PCDHGA6: variants seen among roughly 807,000 people sequenced by gnomAD.
The protein encoded by PCDHGA6 is protocadherin gamma subfamily A, 6, also known as protocadherin gamma-A6.
PCDHGA6 carries 41 observed loss-of-function variants against 60.6 expected under a neutral mutation model. That is an observed-to-expected ratio of 0.68 (90% confidence interval 0.53 to 0.88). PCDHGA6 has a LOEUF of 0.88. Ranked by LOEUF, PCDHGA6 falls within the 40% of genes least tolerant of loss-of-function variation. The pLI is 0.00. For synonymous variants in PCDHGA6, 594 were observed against 524.4 expected (o/e 1.13, Z -1.81); for missense variants, 1,312 against 1,203.0 (o/e 1.09, Z -1.34).
chr5:141,404,225 A>G, intron 1 of PCDHGA6: 6 of 1,613,828 alleles, frequency 3.7e-6, no homozygotes, highest in Non-Finnish European at 5.1e-6. Context: ...GGTGACTGCA[A>G]CAGACAGAGG....
chr5:141,496,513 G>A (rs1364297990), intron 2 of PCDHGA6, among the ~76,000 whole-genome samples: 1 of 152,140 alleles, frequency 6.6e-6, no homozygotes, highest in Non-Finnish European at 1.5e-5. Context: ...CAAGGACCCA[G>A]GAGCCCTTGG....
chr5:141,379,313 AG>A (rs1433876569), intron 1 of PCDHGA6: 2 of 152,264 alleles, frequency 1.3e-5, no homozygotes, highest in Non-Finnish European at 2.9e-5. Context: ...CCTAAACAAG[AG>A]ATCTAATCAT....
chr5:141,392,273 G>A (rs1037062086), intron 1 of PCDHGA6: 3 of 152,178 alleles, frequency 2.0e-5, no homozygotes, highest in Admixed American at 2.0e-4. Flanking sequence ...TTACAATAAA[G>A]CTTAGAGCAC....
chr5:141,510,032 T>C (rs1410346284), intron 3 of PCDHGA6, among the ~76,000 whole-genome samples: 3 of 152,150 alleles, frequency 2.0e-5, no homozygotes, highest in Non-Finnish European at 4.4e-5. Flanking sequence ...GCTGGGCTGT[T>C]ATGTAGAGGT....
At chr5:141,463,728 G>C (rs957615020) in intron 1 of PCDHGA6, among the ~76,000 whole-genome samples, 3 of 152,066 alleles carry the variant, frequency 2.0e-5, no homozygotes, top group African/African-American at 7.2e-5. Context: ...TTACAGGCAT[G>C]AGCCACCGCG....
At chr5:141,383,386 G>A in intron 1 of PCDHGA6, 1 of 1,614,000 alleles carries the variant, frequency 6.2e-7, no homozygotes. Context: ...TCCAGATGTG[G>A]GCACGAACTC....
rs1488506612 is a variant in PCDHGA6 at position 141,395,336 on chromosome 5, T to G, written c.2424+18829T>G. ...TTGTGAAGATAGTTGAAAATAATTTTTAAGGTGTATCACAGAGTTTTGGGT... is the reference window on the plus strand; with the variant it reads ...TTGTGAAGATAGTTGAAAATAATTTGTAAGGTGTATCACAGAGTTTTGGGT... On this transcript the variant is annotated intron_variant, in intron 1 of 3. Coordinates refer to ENST00000517434, the MANE Select transcript of PCDHGA6 (RefSeq NM_018919.3). 5 of 1,435,024 alleles carry G rather than the reference T, an allele frequency of 3.5e-6. No homozygotes were observed. In the African/African-American group the frequency reaches 4.3e-5, roughly 12 times the overall value. The allele number at this position is 1,435,024 out of a possible 1,614,324, so 88.9% of individuals were successfully genotyped here. A position where few individuals can be genotyped will look rare whatever the true frequency, so the allele number is the denominator to read the frequency against.
chr5:141,384,443 A>G, intron 1 of PCDHGA6: 1 of 1,614,030 alleles, frequency 6.2e-7, no homozygotes, highest in Non-Finnish European at 8.5e-7. Flanking sequence ...GGAGTCCTGT[A>G]CGCGCTGCAA....
chr5:141,421,174 C>T (rs2096550677), intron 1 of PCDHGA6: 2 of 1,378,742 alleles, frequency 1.5e-6, no homozygotes, highest in Non-Finnish European at 1.9e-6. Flanking sequence ...ATACATAAGC[C>T]GATTCACAAC....
At chr5:141,409,219 T>A in intron 1 of PCDHGA6, 1 of 1,614,022 alleles carries the variant, frequency 6.2e-7, no homozygotes, top group Non-Finnish European at 8.5e-7. Context: ...AAATCCTTGA[T>A]GAAAACGACA....
chr5:141,398,189 T>G (rs926901002), intron 1 of PCDHGA6: 3 of 1,482,238 alleles, frequency 2.0e-6, no homozygotes, highest in Middle Eastern at 2.3e-4. Context: ...TTTCTCTTCC[T>G]GCTGTCTTTG....
chr5:141,481,427 T>C lies in PCDHGA6; in HGVS notation c.2425-13380T>C, dbSNP rs79272909. Reference sequence around the variant, plus strand: ...TTGTATAATTAGATTGTGATGATGATTGTATCAGTTTAGTACATGTAAATA... The same window carrying C: ...TTGTATAATTAGATTGTGATGATGACTGTATCAGTTTAGTACATGTAAATA... On this transcript the variant is annotated intron_variant, in intron 1 of 3. Transcript: ENST00000517434. Among the ~76,000 whole-genome samples the C allele has an allele frequency of 6.0e-3, 907 of 152,334 alleles. 5 individuals are homozygous for C. Among genetic ancestry groups the C allele is most frequent in the African/African-American group, 0.02 (840 of 41,578 alleles).
chr5:141,481,913 C>CA (rs34114744), intron 1 of PCDHGA6, among the ~76,000 whole-genome samples: 1,134 of 90,654 alleles, frequency 0.013, 16 homozygotes, highest in East Asian at 0.053. Flanking sequence ...AACTCCATCT[C>CA]AAAAAAAAAA....
At chr5:141,407,512 T>G (rs910710605) in intron 1 of PCDHGA6, among the ~76,000 whole-genome samples, 3 of 152,192 alleles carry the variant, frequency 2.0e-5, no homozygotes, top group Non-Finnish European at 4.4e-5. Flanking sequence ...TCTTAGGCTA[T>G]GTAGGACTTA....
At chr5:141,380,975 T>C (rs1776901580) in intron 1 of PCDHGA6, among the ~76,000 whole-genome samples, 2 of 152,246 alleles carry the variant, frequency 1.3e-5, no homozygotes, top group Non-Finnish European at 2.9e-5. Flanking sequence ...ATTAAACAAA[T>C]AGAATTTAAC....
At chr5:141,459,606 T>G (rs1430790771) in intron 1 of PCDHGA6, among the ~76,000 whole-genome samples, 1 of 152,250 alleles carries the variant, frequency 6.6e-6, no homozygotes, top group Non-Finnish European at 1.5e-5. Context: ...GGGAAGTATA[T>G]GCTTAACTTT....
At chr5:141,426,830 C>A (rs559240163) in intron 1 of PCDHGA6, 301 of 456,662 alleles carry the variant, frequency 6.6e-4, no homozygotes, top group African/African-American at 5.8e-3. Flanking sequence ...TGATGATGGA[C>A]AAGACTAAAG....
chr5:141,420,321 C>G (rs763682825), intron 1 of PCDHGA6: 2 of 1,410,974 alleles, frequency 1.4e-6, no homozygotes, highest in Non-Finnish European at 1.9e-6. Flanking sequence ...TACAATATGC[C>G]AATATATTCC....
At chr5:141,413,257 T>C (rs777964429) in intron 1 of PCDHGA6, 3 of 1,613,954 alleles carry the variant, frequency 1.9e-6, no homozygotes, top group African/African-American at 1.3e-5. Flanking sequence ...CGGGATTCCA[T>C]GGGAGGCTGG....
Sources: gnomAD v4.1 joint callset for allele counts (sites outside exome capture counted in the v4.1 genomes callset) on GRCh38, gnomAD v4.1.1 for gene constraint, MANE v1.5 for transcripts, NCBI Gene and HGNC (gene_info 2026-07-23, HGNC 2026-07-21) for gene names.